KLF12: variants seen among roughly 807,000 people sequenced by gnomAD.
KLF12 encodes the protein Krueppel-like factor 12.
Under a neutral mutation model 37.8 loss-of-function variants are expected in KLF12, and 9 were observed. That is an observed-to-expected ratio of 0.24 (90% CI 0.14 to 0.42). The LOEUF is 0.42. KLF12 is among the 10% of genes least tolerant of loss of function. The pLI is 1.00. For synonymous variants in KLF12, 208 were observed against 202.1 expected, an observed-to-expected ratio of 1.03 and a Z score of -0.25; for missense variants, 411 against 516.0, an observed-to-expected ratio of 0.80 and a Z score of 1.97.
chr13:74,285,171 C>A, the KLF12 span, among the ~76,000 whole-genome samples: 1 of 151,184 alleles, frequency 6.6e-6, no homozygotes, highest in Admixed American at 6.6e-5. Context: ...CTATAGCCAG[C>A]CCTACCTGAT....
At chr13:73,895,626 G>A (rs1252472880) in intron 3 of KLF12, among the ~76,000 whole-genome samples, 9 of 152,034 alleles carry the variant, frequency 5.9e-5, no homozygotes, top group Non-Finnish European at 1.0e-4. Flanking sequence ...AAGAGTGGGC[G>A]GCACTACACA....
chr13:73,725,643 CCTTGTA>C (rs1876604355), intron 6 of KLF12, among the ~76,000 whole-genome samples: 1 of 150,874 alleles, frequency 6.6e-6, no homozygotes, highest in Non-Finnish European at 1.5e-5. Flanking sequence ...GGTGGAAGCT[CCTTGTA>C]CTAATAGCCT....
At chr13:74,165,929 G>T in the KLF12 span, among the ~76,000 whole-genome samples, 1 of 152,094 alleles carries the variant, frequency 6.6e-6, no homozygotes, top group Non-Finnish European at 1.5e-5. Context: ...CTGTTTGCAG[G>T]GAGGAAAGAT....
chr13:73,971,040 T>C (rs1289163511), intron 2 of KLF12, among the ~76,000 whole-genome samples: 1 of 152,194 alleles, frequency 6.6e-6, no homozygotes, highest in Non-Finnish European at 1.5e-5. Context: ...TAAATTTTTA[T>C]GGATTTTTAA....
At chr13:73,749,545 T>C (rs28433830) in intron 6 of KLF12, among the ~76,000 whole-genome samples, 9,652 of 152,242 alleles carry the variant, frequency 0.063, 372 homozygotes, top group South Asian at 0.15. Flanking sequence ...ATTGGACTAA[T>C]TGCAAGGAAA....
intron 2 of KLF12, among the ~76,000 whole-genome samples, chr13:73,954,220 C>T (rs4885135): frequency 0.66 from 99,796 of 151,800 alleles, 34,563 homozygotes; most frequent in East Asian, 0.82. Context: ...CTTTGTGATC[C>T]GCCCACCTGG....
intron 1 of KLF12, among the ~76,000 whole-genome samples, chr13:74,039,029 G>A (rs1354985916): frequency 6.6e-6 from 1 of 151,496 alleles, no homozygotes; most frequent in African/African-American, 2.4e-5. Flanking sequence ...TGCACAATAT[G>A]TGTGTTCCTG....
intron 1 of KLF12, among the ~76,000 whole-genome samples, chr13:74,013,276 C>T (rs537186550): frequency 3.8e-4 from 58 of 152,360 alleles, no homozygotes; most frequent in African/African-American, 1.4e-3. Context: ...CTATAACAAC[C>T]CACAGCACTT....
chr13:74,131,232 T>A lies in KLF12; in HGVS notation c.-32+2507A>T, dbSNP rs372173284. On this transcript the variant is annotated intron_variant, in intron 1 of 7. Coordinates refer to ENST00000377669, the MANE Select transcript of KLF12 (RefSeq NM_007249.5). Reference sequence around the variant, plus strand: ...TAAAACTCACTGGAGCCTGTTAAAGTGCATACTTTCCCTGAACAGGAGTCA... The same window carrying A: ...TAAAACTCACTGGAGCCTGTTAAAGAGCATACTTTCCCTGAACAGGAGTCA... Among the ~76,000 whole-genome samples the A allele has an allele frequency of 5.3e-5, 8 of 152,352 alleles. No homozygotes were observed. In the East Asian group the frequency reaches 1.3e-3, roughly 26 times the overall value.
intron 1 of KLF12, among the ~76,000 whole-genome samples, chr13:74,014,332 G>A (rs951375596): frequency 4.6e-5 from 7 of 152,090 alleles, no homozygotes; most frequent in Admixed American, 3.9e-4. Flanking sequence ...TATGTCCTGC[G>A]TTTGTTTACT....
At chr13:73,974,982 A>C (rs889254748) in intron 2 of KLF12, among the ~76,000 whole-genome samples, 6 of 152,226 alleles carry the variant, frequency 3.9e-5, no homozygotes, top group Non-Finnish European at 8.8e-5. Context: ...TAAATTTATT[A>C]ATCCTCAATA....
intron 2 of KLF12, among the ~76,000 whole-genome samples, chr13:73,963,478 C>A (rs779554191): frequency 3.0e-4 from 46 of 152,100 alleles, no homozygotes; most frequent in Non-Finnish European, 6.2e-4. Context: ...TATTTATTTT[C>A]AATTTTAGAA....
At chr13:74,137,156 G>C (rs1344710835), upstream of KLF12, among the ~76,000 whole-genome samples, 1 of 152,188 alleles carries the variant, frequency 6.6e-6, no homozygotes. Context: ...CTTGGCAAAG[G>C]TGCGGATTTT....
chr13:73,825,028 C>T (rs1392796722), intron 4 of KLF12, among the ~76,000 whole-genome samples: 2 of 151,636 alleles, frequency 1.3e-5, no homozygotes, highest in South Asian at 2.1e-4. Context: ...GAGATTGCAC[C>T]ATTGCATTCC....
chr13:74,169,425 C>T, the KLF12 span, among the ~76,000 whole-genome samples: 186 of 152,180 alleles, frequency 1.2e-3, no homozygotes, highest in African/African-American at 4.3e-3. Flanking sequence ...TAAACAATTG[C>T]AGAGCTAGAA....
At chr13:74,143,609 C>T in the KLF12 span, among the ~76,000 whole-genome samples, 5 of 152,274 alleles carry the variant, frequency 3.3e-5, no homozygotes, top group South Asian at 8.3e-4. Context: ...AGTTGCAAAA[C>T]TCACAAGCAC....
chr13:73,986,921 C>T (rs536067116), intron 2 of KLF12, among the ~76,000 whole-genome samples: 59 of 151,970 alleles, frequency 3.9e-4, no homozygotes, highest in African/African-American at 1.4e-3. Context: ...ACCACCAGAA[C>T]TGTAAGATAA....
chr13:74,166,539 A>G, the KLF12 span, among the ~76,000 whole-genome samples: 1 of 152,184 alleles, frequency 6.6e-6, no homozygotes, highest in Non-Finnish European at 1.5e-5. Flanking sequence ...GATACTGAAG[A>G]GTGGAATGAT....
At chr13:73,848,443 C>CT (rs372709285) in intron 3 of KLF12, among the ~76,000 whole-genome samples, 120 of 151,878 alleles carry the variant, frequency 7.9e-4, no homozygotes, top group Middle Eastern at 3.4e-3. Flanking sequence ...TTGTGGGTAT[C>CT]TTCTTAATCT....
Sources: allele counts gnomAD v4.1 joint callset (sites outside exome capture counted in the v4.1 genomes callset), GRCh38; gene constraint gnomAD v4.1.1; transcripts MANE v1.5; gene names NCBI Gene and HGNC (gene_info 2026-07-23, HGNC 2026-07-21).